The following EYS variants were observed in gnomAD, a reference collection of about 807,000 sequenced individuals.
The protein encoded by EYS is EGF-like photoreceptor maintenance factor, also known as protein eyes shut homolog.
Under a neutral mutation model 282.1 loss-of-function variants are expected in EYS, and 250 were observed. The ratio of observed to expected loss-of-function variants is 0.89; its 90% CI spans 0.80 to 0.98. EYS has a LOEUF of 0.98. Ranked by LOEUF, EYS falls within the 50% of genes least tolerant of loss-of-function variation. The pLI, the probability that EYS is intolerant of heterozygous loss-of-function variation, is 0.00. For missense variants in EYS, 4,016 were observed against 3,709.0 expected (o/e 1.08, Z -2.15); for synonymous variants, 1,355 against 1,282.9 (o/e 1.06, Z -1.20).
At chr6:65,115,411 C>T (rs1025226462) in intron 12 of EYS, among the ~76,000 whole-genome samples, 2 of 151,902 alleles carry the variant, frequency 1.3e-5, no homozygotes, top group Non-Finnish European at 2.9e-5. Context: ...CTCATGTCCC[C>T]ACTTCCTGAA....
intron 33 of EYS, among the ~76,000 whole-genome samples, chr6:64,060,543 G>A (rs1771131374): frequency 6.6e-6 from 1 of 152,022 alleles, no homozygotes; most frequent in African/African-American, 2.4e-5. Context: ...ATCCTACTCA[G>A]AATCATTCTT....
At chr6:65,402,691 A>C (rs898618525) in intron 6 of EYS, 86 bp from the exon 7 acceptor site, 3 of 886,770 alleles carry the variant, frequency 3.4e-6, no homozygotes, top group Non-Finnish European at 5.3e-6. Flanking sequence ...GAAGGGTTAA[A>C]ATTATTTTCA....
At chr6:65,209,588 C>G (rs1004387587) in intron 12 of EYS, among the ~76,000 whole-genome samples, 25 of 151,832 alleles carry the variant, frequency 1.6e-4, no homozygotes, top group African/African-American at 6.0e-4. Context: ...ATGTGTCAGG[C>G]ACTGTTATAG....
intron 31 of EYS, among the ~76,000 whole-genome samples, chr6:64,144,224 G>A (rs192188576): frequency 3.3e-5 from 5 of 152,280 alleles, no homozygotes; most frequent in African/African-American, 1.2e-4. Flanking sequence ...AAGCCAGAAA[G>A]TGGGTATTAT....
At chr6:64,152,981 G>C (rs1223974246) in intron 31 of EYS, among the ~76,000 whole-genome samples, 1 of 152,122 alleles carries the variant, frequency 6.6e-6, no homozygotes, top group Non-Finnish European at 1.5e-5. Flanking sequence ...ACTAAAATGT[G>C]GTTGCAAAGC....
intron 12 of EYS, among the ~76,000 whole-genome samples, chr6:65,078,054 A>G (rs562454446): frequency 1.3e-5 from 2 of 152,240 alleles, no homozygotes; most frequent in African/African-American, 4.8e-5. Context: ...GGAAAGTAGC[A>G]TTATTGAACC....
chr6:64,573,862 G>A (rs1765800145), intron 26 of EYS, among the ~76,000 whole-genome samples: 1 of 152,188 alleles, frequency 6.6e-6, no homozygotes, highest in African/African-American at 2.4e-5. Context: ...GTGGAAGACA[G>A]TGTGGCAATT....
intron 22 of EYS, among the ~76,000 whole-genome samples, chr6:64,657,074 C>A (rs1481454156): frequency 2.0e-5 from 3 of 152,182 alleles, no homozygotes; most frequent in African/African-American, 4.8e-5. Flanking sequence ...ATAGTTAGCT[C>A]TTCTTGTTGA....
Position 64,764,244 on chromosome 6 carries a change from G to T in EYS, c.3443+49134C>A, listed in dbSNP as rs549070682. Among the ~76,000 whole-genome samples, 8 of 152,346 alleles carry T rather than the reference G, an allele frequency of 5.3e-5. No homozygotes were observed. In the South Asian group the frequency reaches 1.5e-3, roughly 28 times the overall value. ...GGGCTCCGCTTTGCAGCTGACTTCT[G>T]CCTAGAAATCCAGGCATTTCCAAAC... On this transcript the variant is annotated intron_variant, in intron 22 of 42. Transcript: ENST00000503581.
chr6:64,950,792 C>CATACATATATATAT (rs1419966413), intron 14 of EYS, among the ~76,000 whole-genome samples: 14 of 60,916 alleles, frequency 2.3e-4, no homozygotes, highest in African/African-American at 6.4e-4. Context: ...TACACATATA[C>CATACATATATATAT]ATATACATAT....
At chr6:64,700,661 A>G (rs2149923648) in intron 22 of EYS, among the ~76,000 whole-genome samples, 1 of 152,130 alleles carries the variant, frequency 6.6e-6, no homozygotes, top group South Asian at 2.1e-4. Context: ...GAATATATTT[A>G]ACCCTGGAGG....
intron 19 of EYS, among the ~76,000 whole-genome samples, chr6:64,856,675 A>G (rs550180237): frequency 1.6e-4 from 25 of 152,294 alleles, no homozygotes; most frequent in African/African-American, 5.8e-4. Flanking sequence ...AAGTTTCTTA[A>G]CATATGCACG....
intron 26 of EYS, among the ~76,000 whole-genome samples, chr6:64,520,066 G>A (rs958776221): frequency 3.3e-5 from 5 of 151,740 alleles, no homozygotes; most frequent in Non-Finnish European, 1.5e-5. Context: ...AGAGAAAGGA[G>A]GAGAAACAGG....
At chr6:65,321,599 GC>G (rs1769477229) in intron 11 of EYS, among the ~76,000 whole-genome samples, 2 of 152,170 alleles carry the variant, frequency 1.3e-5, no homozygotes, top group South Asian at 4.1e-4. Flanking sequence ...TGTGTTGGGA[GC>G]CACCTTAGTT....
chr6:64,017,076 A>G (rs1768929000), intron 33 of EYS, among the ~76,000 whole-genome samples: 1 of 151,726 alleles, frequency 6.6e-6, no homozygotes, highest in African/African-American at 2.4e-5. Flanking sequence ...CTGCTGTCAT[A>G]TCCATCACTA....
chr6:63,739,808 C>T (rs9449825), intron 41 of EYS, among the ~76,000 whole-genome samples: 3,004 of 152,004 alleles, frequency 0.02, 96 homozygotes, highest in African/African-American at 0.069. Context: ...ATTCTCCTGC[C>T]TCAGCCTCCT....
intron 12 of EYS, among the ~76,000 whole-genome samples, chr6:65,135,801 T>C (rs1032129073): frequency 3.3e-5 from 5 of 152,048 alleles, no homozygotes; most frequent in African/African-American, 1.2e-4. Context: ...TGATTATACA[T>C]AGCTCTCTGT....
chr6:63,755,916 A>G (rs747712412), intron 41 of EYS, among the ~76,000 whole-genome samples: 10 of 152,162 alleles, frequency 6.6e-5, no homozygotes, highest in Non-Finnish European at 1.3e-4. Flanking sequence ...GAGTTCACTC[A>G]TGATTTGGCT....
intron 22 of EYS, among the ~76,000 whole-genome samples, chr6:64,691,291 T>G (rs1770373199): frequency 6.6e-6 from 1 of 152,130 alleles, no homozygotes; most frequent in South Asian, 2.1e-4. Flanking sequence ...TTACAAGTCT[T>G]AGTCAGTATA....
Sources: allele counts gnomAD v4.1 joint callset (sites outside exome capture counted in the v4.1 genomes callset), GRCh38; gene constraint gnomAD v4.1.1; transcripts MANE v1.5; gene names NCBI Gene and HGNC (gene_info 2026-07-23, HGNC 2026-07-21).